ESR1: variants seen among roughly 807,000 people sequenced by gnomAD.
ESR1 encodes estrogen receptor.
A neutral mutation model predicts 52.7 loss-of-function variants in ESR1; 12 were observed. The observed-to-expected ratio is 0.23, with a 90% confidence interval of 0.15 to 0.37. ESR1 has a LOEUF of 0.37. Among genes scored for constraint, ESR1 ranks in the 10% least tolerant of loss-of-function variants. ESR1 has a pLI of 1.00. For missense variants in ESR1, 584 were observed against 779.7 expected, an observed-to-expected ratio of 0.75 and a Z score of 2.99; for synonymous variants, 305 against 316.8, an observed-to-expected ratio of 0.96 and a Z score of 0.39.
intron 6 of ESR1, among the ~76,000 whole-genome samples, chr6:152,076,304 C>T (rs1327834224): frequency 6.6e-6 from 1 of 152,054 alleles, no homozygotes; most frequent in Non-Finnish European, 1.5e-5. Flanking sequence ...TTTCTCTTGC[C>T]ACCACCATGT....
At chr6:152,007,192 G>T (rs1037064825) in intron 4 of ESR1, among the ~76,000 whole-genome samples, 1 of 151,982 alleles carries the variant, frequency 6.6e-6, no homozygotes, top group Non-Finnish European at 1.5e-5. Context: ...GTGTACCAAC[G>T]CAAATTAGGC....
At chr6:152,041,423 G>A (rs1014800320) in intron 5 of ESR1, among the ~76,000 whole-genome samples, 1 of 152,182 alleles carries the variant, frequency 6.6e-6, no homozygotes, top group Non-Finnish European at 1.5e-5. Flanking sequence ...ATCCAAATAG[G>A]CCTGCTAGGC....
At chr6:151,971,655 G>A (rs1460532556) in intron 4 of ESR1, among the ~76,000 whole-genome samples, 3 of 152,176 alleles carry the variant, frequency 2.0e-5, no homozygotes, top group East Asian at 1.9e-4. Context: ...TACAGCAAAA[G>A]CAGTGTCAAG....
At chr6:151,757,000 A>G (rs1338025624) in intron 2 of ESR1, among the ~76,000 whole-genome samples, 3 of 152,170 alleles carry the variant, frequency 2.0e-5, no homozygotes, top group Admixed American at 6.5e-5. Context: ...AAAATAAATA[A>G]ATAAAATAAA....
chr6:151,753,108 T>C (rs1027374122), intron 2 of ESR1, among the ~76,000 whole-genome samples: 5 of 152,226 alleles, frequency 3.3e-5, no homozygotes, highest in African/African-American at 7.2e-5. Context: ...ACTGCTAGCC[T>C]GGTAACACAG....
intron 3 of ESR1, among the ~76,000 whole-genome samples, chr6:151,925,617 A>G (rs1262087999): frequency 6.6e-6 from 1 of 152,114 alleles, no homozygotes; most frequent in African/African-American, 2.4e-5. Context: ...CAAAATACAT[A>G]CATACATACA....
intron 2 of ESR1, among the ~76,000 whole-genome samples, chr6:151,867,385 C>A (rs547876630): frequency 6.7e-6 from 1 of 150,026 alleles, no homozygotes; most frequent in East Asian, 2.0e-4. Flanking sequence ...GGGCTAATAT[C>A]CAGAATGTAG....
intron 3 of ESR1, among the ~76,000 whole-genome samples, chr6:151,934,457 T>C (rs747505063): frequency 6.6e-6 from 1 of 152,228 alleles, no homozygotes; most frequent in African/African-American, 2.4e-5. Context: ...AAAATAAAAT[T>C]AAAATTGATT....
chr6:151,884,867 T>C (rs573465703), intron 3 of ESR1, among the ~76,000 whole-genome samples: 1 of 152,338 alleles, frequency 6.6e-6, no homozygotes, highest in South Asian at 2.1e-4. Flanking sequence ...CACAGTTACC[T>C]GACAGTTCCT....
At chr6:151,742,415 C>CT (rs1267071244) in intron 2 of ESR1, among the ~76,000 whole-genome samples, 12 of 152,212 alleles carry the variant, frequency 7.9e-5, no homozygotes, top group African/African-American at 2.7e-4. Flanking sequence ...CTCACCAACA[C>CT]TTGCTATTTC....
chr6:152,066,391 A>G (rs1200841263), intron 6 of ESR1, among the ~76,000 whole-genome samples: 1 of 152,236 alleles, frequency 6.6e-6, no homozygotes, highest in Non-Finnish European at 1.5e-5. Flanking sequence ...AACATTTTTT[A>G]AACATATTGA....
chr6:151,757,421 C>T (rs1419954848), intron 2 of ESR1, among the ~76,000 whole-genome samples: 1 of 152,168 alleles, frequency 6.6e-6, no homozygotes, highest in Non-Finnish European at 1.5e-5. Context: ...TTCCATCTCT[C>T]TTGTCTCTTG....
upstream of ESR1, among the ~76,000 whole-genome samples, chr6:151,688,621 A>AG (rs1342731619): frequency 2.0e-5 from 3 of 151,896 alleles, no homozygotes; most frequent in African/African-American, 7.3e-5. Context: ...GCTGCATACT[A>AG]GGGGAAAAAA....
chr6:151,681,722 G>T (rs1355796684), intron 1 of ESR1, among the ~76,000 whole-genome samples: 1 of 152,154 alleles, frequency 6.6e-6, no homozygotes, highest in African/African-American at 2.4e-5. Context: ...CCTCCAGGCC[G>T]CCGCTTCCAA....
At chr6:152,109,530 T>TACA (rs1363832197) in intron 6 of ESR1, among the ~76,000 whole-genome samples, 2 of 149,062 alleles carry the variant, frequency 1.3e-5, no homozygotes, top group Non-Finnish European at 3.0e-5. Context: ...AGAAAGAAAA[T>TACA]ACAAAATTAC....
chr6:151,686,058 A>T (rs1038110945), upstream of ESR1, among the ~76,000 whole-genome samples: 58 of 128,712 alleles, frequency 4.5e-4, no homozygotes, highest in African/African-American at 2.4e-3. Flanking sequence ...CCAGCTAATT[A>T]AAACAATTTT....
chr6:152,008,922 G>A lies in ESR1; in HGVS notation c.1097-2734G>A, dbSNP rs140413140. ...TAAGAAATGAAACCAGAGGGCTTTC[G>A]TTTTAAGTACTGATCACTTAAACCA... On this transcript the variant is annotated intron_variant, in intron 4 of 7. Transcript: ENST00000206249. Among the ~76,000 whole-genome samples, 684 of 152,146 alleles carry A rather than the reference G, an allele frequency of 4.5e-3. 2 individuals are homozygous for A. Among genetic ancestry groups the A allele is most frequent in the East Asian group, 5.0e-3 (26 of 5,160 alleles).
chr6:151,766,183 C>T (rs79082100), intron 2 of ESR1, among the ~76,000 whole-genome samples: 3,295 of 152,232 alleles, frequency 0.022, 53 homozygotes, highest in East Asian at 0.046. Context: ...TCTTCCTCTT[C>T]GCATTGCATT....
intron 5 of ESR1, among the ~76,000 whole-genome samples, chr6:152,038,858 T>A (rs562285419): frequency 4.4e-4 from 67 of 152,298 alleles, no homozygotes; most frequent in East Asian, 2.7e-3. Flanking sequence ...CTTGAACTCC[T>A]GACCTCGTGA....
Sources: gnomAD v4.1 joint callset for allele counts (sites outside exome capture counted in the v4.1 genomes callset) on GRCh38, gnomAD v4.1.1 for gene constraint, MANE v1.5 for transcripts, NCBI Gene and HGNC (gene_info 2026-07-23, HGNC 2026-07-21) for gene names.